PLCG2: variants seen among roughly 807,000 people sequenced by gnomAD.
PLCG2 encodes the protein 1-phosphatidylinositol 4,5-bisphosphate phosphodiesterase gamma-2.
Under a neutral mutation model 175.6 loss-of-function variants are expected in PLCG2, and 69 were observed. The ratio of observed to expected loss-of-function variants is 0.39; its 90% confidence interval spans 0.32 to 0.48. PLCG2 has a LOEUF of 0.48. Ranked by LOEUF, PLCG2 falls within the 20% of genes least tolerant of loss-of-function variation. The pLI is 0.91. For missense variants in PLCG2, 1,798 were observed against 1,650.9 expected, an observed-to-expected ratio of 1.09 and a Z score of -1.54; for synonymous variants, 827 against 624.0, an observed-to-expected ratio of 1.33 and a Z score of -4.85.
chr16:81,782,302 A>G (rs1438816569), intron 1 of PLCG2, among the ~76,000 whole-genome samples: 2 of 142,118 alleles, frequency 1.4e-5, no homozygotes, highest in Non-Finnish European at 2.9e-5. Context: ...AAACTCAGCC[A>G]TATTTGTATT....
Position 81,907,779 on chromosome 16 carries a change from G to A in PLCG2, c.1557+5G>A, listed in dbSNP as rs375703615. On this transcript the variant is annotated splice_donor_5th_base_variant and intron_variant, in intron 16 of 32. Coordinates refer to ENST00000564138, the MANE Select transcript of PLCG2 (RefSeq NM_002661.5). ...ATGGAGGAGGAAGTGCCCCAGGTAG[G>A]GGGACACCCTAGCCACATAGGGAGG... The A allele has an allele frequency of 9.9e-6, 16 of 1,609,772 alleles. No homozygotes were observed. Among genetic ancestry groups the A allele is most frequent in the Non-Finnish European group, 1.4e-5 (16 of 1,176,752 alleles).
intron 31 of PLCG2, among the ~76,000 whole-genome samples, chr16:81,952,780 T>C (rs953565875): frequency 1.3e-5 from 2 of 152,208 alleles, no homozygotes; most frequent in Admixed American, 6.5e-5. Flanking sequence ...TGAAACAGCA[T>C]AGTACTAACT....
At chr16:81,841,632 A>G (rs149790816) in intron 2 of PLCG2, among the ~76,000 whole-genome samples, 245 of 152,324 alleles carry the variant, frequency 1.6e-3, no homozygotes, top group African/African-American at 5.7e-3. Context: ...AATAGACAGT[A>G]AGCCAGAATA....
rs1172367702 is a variant in PLCG2, at chr16:81,960,287, C to G, written c.*2289C>G. 2 of 220,498 alleles carry G rather than the reference C, an allele frequency of 9.1e-6. No homozygotes were observed. Among genetic ancestry groups the G allele is most frequent in the East Asian group, 1.3e-4 (2 of 15,016 alleles). 13.7% of individuals were successfully genotyped at this position (220,498 alleles called of 1,614,324 possible). On this transcript the variant is annotated 3_prime_UTR_variant, in exon 33 of 33. Transcript: ENST00000564138. ...CCAGAGTCTATGTGATGCTACATAA[C>G]TTCAGTATCTAGCTGAGACATGCTT...
At position 81,883,266 on chromosome 16, in the gene PLCG2, T is replaced by C. The variant is rs773029439; in HGVS notation, c.693-3T>C. On this transcript the variant is annotated splice_region_variant and splice_polypyrimidine_tract_variant and intron_variant, in intron 8 of 32. Transcript: ENST00000564138. ...TAACTGCACCCCCTTTCCCCGAGGA[T>C]AGGAACACTGACAGGCCGGATGCCT... The C allele has an allele frequency of 5.0e-6, 8 of 1,613,722 alleles. No individual in the cohort carries two copies. Among genetic ancestry groups the C allele is most frequent in the South Asian group, 4.4e-5 (4 of 91,074 alleles).
At chr16:81,890,517 C>G (rs7196329) in intron 10 of PLCG2, among the ~76,000 whole-genome samples, 1 of 152,134 alleles carries the variant, frequency 6.6e-6, no homozygotes, top group African/African-American at 2.4e-5. Context: ...ACCGTGTTGC[C>G]TGGGTGGGAT....
At chr16:81,894,804 C>A (rs974038483) in intron 12 of PLCG2, among the ~76,000 whole-genome samples, 1 of 151,528 alleles carries the variant, frequency 6.6e-6, no homozygotes, top group African/African-American at 2.4e-5. Context: ...GCCTGGGAGG[C>A]AGAGGTTGCA....
At chr16:81,769,474 G>A (rs530863519) in intron 2 of PLCG2, among the ~76,000 whole-genome samples, 48 of 152,296 alleles carry the variant, frequency 3.2e-4, no homozygotes, top group African/African-American at 1.1e-3. Context: ...AGGCCCCCCA[G>A]GAGAGGTGAG....
chr16:81,918,296 CCT>C (rs1353209161), intron 19 of PLCG2, among the ~76,000 whole-genome samples: 1 of 152,076 alleles, frequency 6.6e-6, no homozygotes. Context: ...CGGAGGTTTT[CCT>C]CTCTGTTTTC....
chr16:81,774,744 GTTTT>G (rs113581312), upstream of PLCG2, among the ~76,000 whole-genome samples: 2 of 143,010 alleles, frequency 1.4e-5, no homozygotes, highest in Non-Finnish European at 3.1e-5. Flanking sequence ...CTCTAAGGGT[GTTTT>G]TTTTTTTTTG....
At chr16:81,820,864 G>A (rs949181158) in intron 2 of PLCG2, among the ~76,000 whole-genome samples, 5 of 149,676 alleles carry the variant, frequency 3.3e-5, no homozygotes, top group African/African-American at 9.9e-5. Context: ...CAAATGATCC[G>A]CCCACCTCAG....
At chr16:81,871,293 G>A (rs182854919) in intron 7 of PLCG2, among the ~76,000 whole-genome samples, 12 of 152,290 alleles carry the variant, frequency 7.9e-5, no homozygotes, top group African/African-American at 2.9e-4. Context: ...ATTATTAATA[G>A]CCATCTCCAG....
At chr16:81,889,094 G>A (rs1210584260) in intron 9 of PLCG2, 78 bp from the exon 10 acceptor site, 6 of 852,034 alleles carry the variant, frequency 7.0e-6, no homozygotes, top group African/African-American at 1.7e-5. Flanking sequence ...CTTCGATTGC[G>A]ACTGGATGGA....
intron 2 of PLCG2, among the ~76,000 whole-genome samples, chr16:81,852,437 A>C (rs1375831425): frequency 6.6e-6 from 1 of 151,582 alleles, no homozygotes; most frequent in Non-Finnish European, 1.5e-5. Flanking sequence ...TGAAAAGATG[A>C]TTGTTGTTGT....
chr16:81,789,955 T>C (rs1424212264), intron 2 of PLCG2, among the ~76,000 whole-genome samples: 4 of 152,050 alleles, frequency 2.6e-5, no homozygotes, highest in Non-Finnish European at 5.9e-5. Context: ...GTGGAGCCTA[T>C]ATTGCTTTAT....
chr16:81,953,018 G>A (rs1911428779), intron 31 of PLCG2, among the ~76,000 whole-genome samples: 1 of 152,250 alleles, frequency 6.6e-6, no homozygotes, highest in East Asian at 1.9e-4. Flanking sequence ...GAGACGCTGA[G>A]AAGGGTACAT....
chr16:81,851,202 T>C (rs1187081795), intron 2 of PLCG2, among the ~76,000 whole-genome samples: 1 of 152,238 alleles, frequency 6.6e-6, no homozygotes, highest in Non-Finnish European at 1.5e-5. Context: ...TTTTAGACTC[T>C]TGTGGACCTG....
At chr16:81,771,656 T>C (rs947390322) in intron 2 of PLCG2, among the ~76,000 whole-genome samples, 1 of 152,016 alleles carries the variant, frequency 6.6e-6, no homozygotes, top group Non-Finnish European at 1.5e-5. Flanking sequence ...TAGGGTACAG[T>C]GGGTTGAATT....
At chr16:81,871,510 G>C (rs1907513988) in intron 7 of PLCG2, among the ~76,000 whole-genome samples, 1 of 152,044 alleles carries the variant, frequency 6.6e-6, no homozygotes. Context: ...AGCTAATTTT[G>C]TATTTTTAGT....
Sources: allele counts gnomAD v4.1 joint callset (sites outside exome capture counted in the v4.1 genomes callset), GRCh38; gene constraint gnomAD v4.1.1; transcripts MANE v1.5; gene names NCBI Gene and HGNC (gene_info 2026-07-23, HGNC 2026-07-21).